Variants in DZIP3 observed in about 807,000 individuals in gnomAD.
DZIP3 encodes the protein DAZ interacting zinc finger protein 3.
In DZIP3, 118 loss-of-function variants were observed where a neutral mutation model predicts 162.0. That is an observed-to-expected ratio of 0.73 (90% confidence interval 0.63 to 0.85). The LOEUF is 0.85. Ranked by LOEUF, DZIP3 falls within the 40% of genes least tolerant of loss-of-function variation. The probability of loss-of-function intolerance (pLI) is 0.00; values close to 1 mark genes in which losing one functional copy is unlikely to be tolerated. For missense variants in DZIP3, 1,331 were observed against 1,407.0 expected (o/e 0.95, Z 0.86); for synonymous variants, 438 against 458.6 (o/e 0.96, Z 0.57).
intron 26 of DZIP3, among the ~76,000 whole-genome samples, chr3:108,683,667 A>G (rs1944399216): frequency 6.6e-6 from 1 of 152,182 alleles, no homozygotes; most frequent in African/African-American, 2.4e-5. Flanking sequence ...AGCAGAGTTT[A>G]TCTCCCAGGC....
chr3:108,638,874 C>T (rs1328479257), intron 12 of DZIP3, among the ~76,000 whole-genome samples: 2 of 152,170 alleles, frequency 1.3e-5, no homozygotes, highest in African/African-American at 4.8e-5. Flanking sequence ...AGTTCAGATT[C>T]TTTAGCTTGG....
chr3:108,600,332 T>C (rs1254718665), intron 1 of DZIP3, among the ~76,000 whole-genome samples: 1 of 145,538 alleles, frequency 6.9e-6, no homozygotes. Context: ...TATTACAGCA[T>C]TGTTTGTAAT....
intron 2 of DZIP3, among the ~76,000 whole-genome samples, chr3:108,607,593 C>CAAAA (rs1940452905): frequency 6.6e-6 from 1 of 152,078 alleles, no homozygotes; most frequent in East Asian, 1.9e-4. Flanking sequence ...GTCAAGTGAT[C>CAAAA]CCTTATTACT....
chr3:108,665,312 GTGAT>G (rs1267857983), intron 21 of DZIP3, among the ~76,000 whole-genome samples: 2 of 152,130 alleles, frequency 1.3e-5, no homozygotes, highest in Non-Finnish European at 2.9e-5. Flanking sequence ...AGAAAATACA[GTGAT>G]TGAAATTAAA....
rs1233600332 is a variant in DZIP3 at position 108,593,720 on chromosome 3, G to A, written c.-73+3881G>A. On this transcript the variant is annotated intron_variant, in intron 1 of 32. Coordinates refer to ENST00000361582, the MANE Select transcript of DZIP3 (RefSeq NM_014648.4). ...TAATATGGTTTCACTCTGTTGCCCA[G>A]GCTGGAGTGCAGTGGCATGATCACG... 8.7e-5 allele frequency among the ~76,000 whole-genome samples: 13 copies of A among 149,592 alleles called. 1 individual carries two copies. Among genetic ancestry groups the A allele is most frequent in the Admixed American group, 6.7e-4 (10 of 15,018 alleles).
chr3:108,616,839 G>A (rs1941045028), intron 5 of DZIP3, among the ~76,000 whole-genome samples, 182 bp downstream of exon 5: 1 of 152,060 alleles, frequency 6.6e-6, no homozygotes. Context: ...TATATGACTG[G>A]TAGATGACTT....
At chr3:108,635,172 A>G (rs1942080647) in intron 10 of DZIP3, among the ~76,000 whole-genome samples, 200 bp downstream of exon 10, 1 of 151,628 alleles carries the variant, frequency 6.6e-6, no homozygotes, top group Non-Finnish European at 1.5e-5. Context: ...TTCATTCATT[A>G]TCATCATTTA....
chr3:108,600,176 A>G (rs940896643), intron 1 of DZIP3, among the ~76,000 whole-genome samples: 1 of 152,202 alleles, frequency 6.6e-6, no homozygotes, highest in Non-Finnish European at 1.5e-5. Context: ...AAAATTTAGC[A>G]GAAATGATAA....
chr3:108,594,441 C>G (rs953070762), intron 1 of DZIP3, among the ~76,000 whole-genome samples: 4 of 132,432 alleles, frequency 3.0e-5, no homozygotes, highest in Admixed American at 7.7e-5. Flanking sequence ...TGCTCCCCCC[C>G]CATATATATA....
chr3:108,625,801 AAAT>A, intron 6 of DZIP3, 41 bp from the exon 7 acceptor site: 1 of 1,513,334 alleles, frequency 6.6e-7, no homozygotes, highest in South Asian at 1.4e-5. Context: ...AAAAAAAAAA[AAAT>A]GACTTTTACA....
intron 8 of DZIP3, among the ~76,000 whole-genome samples, chr3:108,630,466 A>G (rs1323179905): frequency 6.6e-6 from 1 of 152,162 alleles, no homozygotes; most frequent in East Asian, 1.9e-4. Flanking sequence ...AAAAACTGAC[A>G]GAATTGAAAG....
At chr3:108,605,149 C>G (rs1325174194) in intron 1 of DZIP3, among the ~76,000 whole-genome samples, 186 bp from the exon 2 acceptor site, 1 of 152,000 alleles carries the variant, frequency 6.6e-6, no homozygotes, top group African/African-American at 2.4e-5. Flanking sequence ...TAAAATATAC[C>G]TATGCTTGGT....
chr3:108,661,908 G>A lies in DZIP3; in HGVS notation c.2231G>A (p.Gly744Glu). Residue 744 changes from glycine (G) to glutamate (E), a missense_variant, in exon 20 of 33, where the codon GGA (glycine) becomes GAA (glutamate). This residue lies in a region of DZIP3 where 1,278 missense variants were observed against 1,317.1 expected (regional missense o/e 0.97). Coordinates refer to ENST00000361582, the MANE Select transcript of DZIP3 (RefSeq NM_014648.4). ...GCTGGCAAAGTAACTACAGACTATG[G>A]AGAAACTGAAAAGGAAAGGCTTGCT... ...GSAGKVTTDY[G>E]ETEKERLARQ... The A allele has an allele frequency of 6.2e-7, 1 of 1,613,924 alleles. No individual in the cohort carries two copies. The highest frequency in any genetic ancestry group is 8.5e-7 in the Non-Finnish European group (1 of 1,179,916).
rs772400573 is a variant in DZIP3, at chr3:108,644,210, G to A, written c.1188G>A (p.Leu396=). 2 of 1,610,610 alleles carry A rather than the reference G, an allele frequency of 1.2e-6. No individual in the cohort carries two copies. The highest frequency in any genetic ancestry group is 1.7e-6 in the Non-Finnish European group (2 of 1,179,026). The change falls in exon 14 of 33, where the codon CTG becomes CTA. Residue 396 remains leucine (L), a synonymous_variant. Transcript: ENST00000361582. Reference sequence around the variant, plus strand: ...TTGATTATAATTATTTCTATCATCTGCTTCATATAATTATTATTTCTGGTA... The same window carrying A: ...TTGATTATAATTATTTCTATCATCTACTTCATATAATTATTATTTCTGGTA... ...FKLDYNYFYH[L]LHIIIISGTD... is the part of the protein sequence containing the mutation.
rs146551786 is a variant in DZIP3, at chr3:108,622,676, C to T, written c.376-1768C>T. Among the ~76,000 whole-genome samples, 38 of 152,224 alleles carry T rather than the reference C, an allele frequency of 2.5e-4. No individual in the cohort carries two copies. The East Asian group carries it at 7.1e-3, about 29-fold the overall frequency. On this transcript the variant is annotated intron_variant, in intron 5 of 32. Coordinates refer to ENST00000361582, the MANE Select transcript of DZIP3 (RefSeq NM_014648.4). ...TGATTTAAGTCCTTGGTCACTGCTG[C>T]TATATCTGCATTAGGGGACACTCTA...
Position 108,634,959 on chromosome 3 carries a change from G to A in DZIP3, c.905G>A (p.Gly302Asp). 6.3e-7 allele frequency: 1 copy of A among 1,597,316 alleles called. No homozygotes were observed. The highest frequency in any genetic ancestry group is 8.6e-7 in the Non-Finnish European group (1 of 1,167,174). ...WKKFKNLKYPGENDQSFSGKK... is the reference protein window; with the variant it reads ...WKKFKNLKYPDENDQSFSGKK... ...AAGTTCAAGAATTTAAAGTATCCAG[G>A]TGAAAATGATCAGGTATTATATTCG... Residue 302 changes from glycine to aspartate, a missense_variant, in exon 10 of 33, where the codon GGT becomes GAT. This residue lies in a region of DZIP3 where 1,278 missense variants were observed against 1,317.1 expected (regional missense o/e 0.97). Coordinates refer to ENST00000361582, the MANE Select transcript of DZIP3 (RefSeq NM_014648.4).
intron 13 of DZIP3, among the ~76,000 whole-genome samples, chr3:108,643,957 G>T (rs763747859): frequency 6.6e-6 from 1 of 152,060 alleles, no homozygotes; most frequent in Non-Finnish European, 1.5e-5. Flanking sequence ...TATTACTTTT[G>T]CTTGGGAACA....
chr3:108,642,014 G>A (rs1202705914), intron 12 of DZIP3, among the ~76,000 whole-genome samples: 1 of 152,026 alleles, frequency 6.6e-6, no homozygotes, highest in African/African-American at 2.4e-5. Context: ...TTAATCAGTA[G>A]GTGTTAAATG....
intron 8 of DZIP3, among the ~76,000 whole-genome samples, chr3:108,629,848 A>G (rs1941753415): frequency 6.6e-6 from 1 of 151,462 alleles, no homozygotes; most frequent in Non-Finnish European, 1.5e-5. Context: ...TTTCTCAGTC[A>G]TTAGACTATT....
Sources: allele counts gnomAD v4.1 joint callset (sites outside exome capture counted in the v4.1 genomes callset), GRCh38; gene constraint gnomAD v4.1.1; regional missense constraint gnomAD v4.1.1; transcripts MANE v1.5; gene names NCBI Gene and HGNC (gene_info 2026-07-23, HGNC 2026-07-21).